Variants in DEPDC5 observed in about 807,000 individuals in gnomAD.
DEPDC5 encodes DEP domain containing 5, GATOR1 subcomplex subunit, also known as GATOR1 complex protein DEPDC5.
Under a neutral mutation model 217.3 loss-of-function variants are expected in DEPDC5, and 73 were observed. The observed-to-expected ratio is 0.34, with a 90% CI of 0.28 to 0.41. The LOEUF (loss-of-function observed/expected upper bound fraction) is 0.41. DEPDC5 is among the 10% of genes least tolerant of loss of function. DEPDC5 has a pLI of 1.00. For synonymous variants in DEPDC5, 733 were observed against 756.7 expected (o/e 0.97, Z 0.51); for missense variants, 1,675 against 2,070.1 (o/e 0.81, Z 3.70).
At chr22:31,838,614 G>A in intron 26 of DEPDC5, 71 bp from the exon 27 acceptor site, 1 of 1,568,512 alleles carries the variant, frequency 6.4e-7, no homozygotes, top group Non-Finnish European at 8.7e-7. Context: ...AGGAGATGAT[G>A]AGACTGTGCA....
At chr22:31,830,630 CGTGTGTGTGTGT>C (rs34078350) in intron 24 of DEPDC5, among the ~76,000 whole-genome samples, 167 of 142,552 alleles carry the variant, frequency 1.2e-3, no homozygotes, top group African/African-American at 2.0e-3. Context: ...TATGCGTGTA[CGTGTGTGTGTGT>C]GTGTGTGTGT....
At chr22:31,782,138 ATT>A (rs771378249) in intron 8 of DEPDC5, among the ~76,000 whole-genome samples, 41 of 143,110 alleles carry the variant, frequency 2.9e-4, no homozygotes, top group African/African-American at 3.8e-4. Context: ...TCTGAAAAAA[ATT>A]TTTTTTTTTT....
At chr22:31,833,232 G>C (rs1186982734) in intron 24 of DEPDC5, among the ~76,000 whole-genome samples, 1 of 152,172 alleles carries the variant, frequency 6.6e-6, no homozygotes, top group African/African-American at 2.4e-5. Flanking sequence ...TGTTTTGAAA[G>C]GGACATTTAA....
In DEPDC5 at chr22:31,778,115, C is replaced by T. The variant is rs765346293; in HGVS notation, c.430C>T (p.Leu144=). 1 of 1,614,162 alleles carries T rather than the reference C, an allele frequency of 6.2e-7. No homozygotes were observed. Among genetic ancestry groups the T allele is most frequent in the South Asian group, 1.1e-5 (1 of 91,088 alleles). ...TTCTTTCAGAGCACAGGCTGGTGAACTGTGGGTTAAGAATGAGAAGGTCAT... is the reference window on the plus strand; with the variant it reads ...TTCTTTCAGAGCACAGGCTGGTGAATTGTGGGTTAAGAATGAGAAGGTCAT... The part of the protein sequence containing the change: ...FAGIRAQAGE[L]WVKNEKVMCG... The change falls in exon 8 of 43, where the codon CTG becomes TTG. Residue 144 remains leucine, a synonymous_variant. Coordinates refer to ENST00000651528, the MANE Select transcript of DEPDC5 (RefSeq NM_001242896.3).
intron 8 of DEPDC5, among the ~76,000 whole-genome samples, chr22:31,779,076 A>G (rs1033637793): frequency 3.9e-5 from 6 of 152,116 alleles, no homozygotes; most frequent in African/African-American, 1.2e-4. Context: ...GCCTCTACTC[A>G]CTAGATGCCA....
rs146010539 is a variant in DEPDC5, at chr22:31,855,427, A to T, written c.3156-2018A>T. Among the ~76,000 whole-genome samples, 1,101 of 148,044 alleles carry T rather than the reference A, an allele frequency of 7.4e-3. 17 individuals are homozygous for T. The highest frequency in any genetic ancestry group is 0.025 in the African/African-American group (1,001 of 39,880). ...AGTCTCGCTCTGTCGCCCAGGCTGGAGTGCAGTGGCGCGATATCGGCTCAT... is the reference window on the plus strand; with the variant it reads ...AGTCTCGCTCTGTCGCCCAGGCTGGTGTGCAGTGGCGCGATATCGGCTCAT... On this transcript the variant is annotated intron_variant, in intron 31 of 42. Coordinates refer to ENST00000651528, the MANE Select transcript of DEPDC5 (RefSeq NM_001242896.3).
intron 41 of DEPDC5, among the ~76,000 whole-genome samples, chr22:31,905,521 C>G (rs547676947): frequency 1.3e-5 from 2 of 151,792 alleles, no homozygotes; most frequent in Admixed American, 6.6e-5. Context: ...AATGGATAGC[C>G]TCGAGTATGC....
At chr22:31,825,634 G>T (rs543015708) in intron 24 of DEPDC5, among the ~76,000 whole-genome samples, 1 of 152,254 alleles carries the variant, frequency 6.6e-6, no homozygotes, top group African/African-American at 2.4e-5. Context: ...GCATTGTTCA[G>T]ACTCCTGTCA....
At chr22:31,858,180 G>T (rs1311186874) in intron 32 of DEPDC5, 1 of 152,232 alleles carries the variant, frequency 6.6e-6, no homozygotes, top group Non-Finnish European at 1.5e-5. Context: ...GAGGGGAATA[G>T]AAAGCTACTG....
At chr22:31,794,140 A>G (rs1175367584) in intron 12 of DEPDC5, among the ~76,000 whole-genome samples, 1 of 151,932 alleles carries the variant, frequency 6.6e-6, no homozygotes, top group Non-Finnish European at 1.5e-5. Context: ...ATGCTTTTTG[A>G]CCACTGTATT....
At position 31,838,714 on chromosome 22, in the gene DEPDC5, C is replaced by T. The variant is rs750396138; in HGVS notation, c.2384C>T (p.Ala795Val). The T allele has an allele frequency of 1.9e-6, 3 of 1,613,998 alleles. No individual in the cohort carries two copies. The highest frequency in any genetic ancestry group is 1.7e-5 in the Admixed American group (1 of 59,998). The change falls in exon 27 of 43, where the codon GCC becomes GTC. Residue 795 changes from alanine to valine, a missense_variant. Physicochemically the swap from Ala to Val is moderately conservative, Grantham distance 64. Transcript: ENST00000651528. ...RRDEDGVQMT[A>V]QQVFEEFICQ... is the part of the protein sequence containing the mutation. The stretch of plus-strand genomic sequence containing the variant: ...GACGAAGATGGTGTGCAGATGACAG[C>T]CCAGCAGGTATTTGAAGAGTTTATT...
At chr22:31,791,259 C>T (rs997198357) in intron 10 of DEPDC5, among the ~76,000 whole-genome samples, 1 of 152,124 alleles carries the variant, frequency 6.6e-6, no homozygotes. Flanking sequence ...GGGCTTCTGA[C>T]TCCCAGCAGT....
At chr22:31,805,806 A>G (rs1172540968) in intron 17 of DEPDC5, among the ~76,000 whole-genome samples, 1 of 152,216 alleles carries the variant, frequency 6.6e-6, no homozygotes. Flanking sequence ...CTACAAAAGT[A>G]GCAATTTCAG....
intron 37 of DEPDC5, among the ~76,000 whole-genome samples, chr22:31,876,870 T>C (rs973635206): frequency 2.3e-4 from 35 of 152,172 alleles, no homozygotes; most frequent in African/African-American, 7.5e-4. Context: ...GACCAGCATC[T>C]TGCCGGGCAT....
intron 40 of DEPDC5, among the ~76,000 whole-genome samples, chr22:31,900,744 A>G (rs571656322): frequency 6.6e-6 from 1 of 151,672 alleles, no homozygotes; most frequent in Admixed American, 6.6e-5. Flanking sequence ...CCTCTCAAAA[A>G]GAAAAAAAAA....
intron 36 of DEPDC5, 135 bp downstream of exon 36, chr22:31,874,540 C>G: frequency 9.2e-7 from 1 of 1,088,914 alleles, no homozygotes; most frequent in Non-Finnish European, 1.3e-6. Context: ...AAGTGGGAGG[C>G]CTTTCTGGAA....
At chr22:31,870,878 GTTAGTCCT>G in intron 34 of DEPDC5, 134 bp downstream of exon 34, 1 of 1,005,132 alleles carries the variant, frequency 9.9e-7, no homozygotes, top group Non-Finnish European at 1.4e-6. Flanking sequence ...CCCTGGGCAA[GTTAGTCCT>G]TAACCACATC....
chr22:31,886,221 T>G (rs1179362356), intron 38 of DEPDC5, among the ~76,000 whole-genome samples: 1 of 152,116 alleles, frequency 6.6e-6, no homozygotes, highest in Non-Finnish European at 1.5e-5. Context: ...ACAATCTCTC[T>G]CTGTGTTGCC....
At chr22:31,869,362 C>T (rs184096378) in intron 33 of DEPDC5, among the ~76,000 whole-genome samples, 29 of 151,924 alleles carry the variant, frequency 1.9e-4, no homozygotes, top group Admixed American at 1.8e-3. Context: ...CGGACTGAAT[C>T]GGAACAGTTT....
Sources: allele counts gnomAD v4.1 joint callset (sites outside exome capture counted in the v4.1 genomes callset), GRCh38; gene constraint gnomAD v4.1.1; transcripts MANE v1.5; gene names NCBI Gene and HGNC (gene_info 2026-07-23, HGNC 2026-07-21).